PSG8: variants seen among roughly 807,000 people sequenced by gnomAD.
PSG8 encodes pregnancy specific beta-1-glycoprotein 8.
PSG8 carries 57 observed loss-of-function variants against 42.5 expected under a neutral mutation model. That is an observed-to-expected ratio of 1.34 (90% CI 1.08 to 1.67). PSG8 has a LOEUF of 1.67. PSG8 is among the 40% of genes most tolerant of loss of function. The pLI, the probability that PSG8 is intolerant of heterozygous loss-of-function variation, is 0.00. For synonymous variants in PSG8, 280 were observed against 196.8 expected (o/e 1.42, Z -3.54); for missense variants, 783 against 518.6 (o/e 1.51, Z -4.95).
rs1227748402 is a variant in PSG8 at position 42,764,190 on chromosome 19, A to C, written c.156T>G (p.Leu52=). ...TCTGGGGCAAATTGTGGACAAGTAGAAGAACATCCTTCCCCTCAGAAACTT... is the reference window on the plus strand; with the variant it reads ...TCTGGGGCAAATTGTGGACAAGTAGCAGAACATCCTTCCCCTCAGAAACTT... The part of the protein sequence containing the change: ...PTKVSEGKDV[L]LLVHNLPQNL... Residue 52 remains leucine (L), a synonymous_variant, in exon 2 of 5, where the codon CTT becomes CTG. Coordinates refer to ENST00000306511, the MANE Select transcript of PSG8 (RefSeq NM_182707.3). The C allele has an allele frequency of 5.0e-6, 8 of 1,613,716 alleles. No homozygotes were observed. In the South Asian group the frequency reaches 8.8e-5, roughly 18 times the overall value.
downstream of PSG8, chr19:42,752,897 C>G (rs1254416918): frequency 3.7e-6 from 1 of 269,934 alleles, no homozygotes; most frequent in African/African-American, 2.2e-5. Context: ...TATTGGGAGT[C>G]CTGTATGCAA....
At chr19:42,760,519 G>A (rs1970046686) in intron 2 of PSG8, among the ~76,000 whole-genome samples, 1 of 152,096 alleles carries the variant, frequency 6.6e-6, no homozygotes, top group Non-Finnish European at 1.5e-5. Flanking sequence ...CCTCAAGCTA[G>A]GGATTCTTTC....
intron 3 of PSG8, 189 bp from the exon 4 acceptor site, chr19:42,755,455 C>A: frequency 3.2e-6 from 4 of 1,241,322 alleles, no homozygotes; most frequent in Non-Finnish European, 4.4e-6. Flanking sequence ...GCCAGCTGCT[C>A]TGTCTTAGGG....
In PSG8 at chr19:42,758,199, G is replaced by T. The variant is rs1969980140; in HGVS notation, c.512C>A (p.Pro171His). ...CAGGTAGCTTGCGTCCGGAGTCTCA[G>T]GATCACAGGTTAAGCTCACAGCCTC... ...AMEAVSLTCDPETPDASYLWW... is the reference protein window; with the variant it reads ...AMEAVSLTCDHETPDASYLWW... Residue 171 changes from proline to histidine, a missense_variant, in exon 3 of 5, where the codon CCT (proline) becomes CAT (histidine). Physicochemically the swap from Pro to His is moderately conservative, Grantham distance 77. Transcript: ENST00000306511. The T allele has an allele frequency of 1.4e-5, 22 of 1,614,038 alleles. No homozygotes were observed. The highest frequency in any genetic ancestry group is 1.9e-5 in the Non-Finnish European group (22 of 1,179,966).
chr19:42,753,871 TTC>T (rs1218127434), downstream of PSG8: 5 of 476,820 alleles, frequency 1.0e-5, no homozygotes, highest in Non-Finnish European at 2.0e-5. Flanking sequence ...AACATATCAA[TTC>T]TCATGAATAG....
chr19:42,755,421 A>T (rs752150114), intron 3 of PSG8, 155 bp from the exon 4 acceptor site: 2 of 1,408,658 alleles, frequency 1.4e-6, no homozygotes, highest in African/African-American at 2.9e-5. Context: ...ATGCATGATG[A>T]TCTAAGGGCT....
chr19:42,754,636 G>T, intron 4 of PSG8, 49 bp from the exon 5 acceptor site: 2 of 1,575,196 alleles, frequency 1.3e-6, no homozygotes, highest in Non-Finnish European at 8.6e-7. Context: ...GAGGGAAGGG[G>T]ATGTTCCTGG....
At chr19:42,757,690 C>G (rs1969961775) in intron 3 of PSG8, among the ~76,000 whole-genome samples, 2 of 152,164 alleles carry the variant, frequency 1.3e-5, no homozygotes, top group Non-Finnish European at 1.5e-5. Context: ...ACCCTGTGAG[C>G]CAAGTCACAA....
At position 42,757,983 on chromosome 19, in the gene PSG8, A is replaced by G; in HGVS notation, c.709+19T>C. 7 of 1,614,060 alleles carry G rather than the reference A, an allele frequency of 4.3e-6. No individual in the cohort carries two copies. The highest frequency in any genetic ancestry group is 5.1e-6 in the Non-Finnish European group (6 of 1,179,974). On this transcript the variant is annotated intron_variant, in intron 3 of 4. Transcript: ENST00000306511. ...TTTGGGATGGCAGCCTGGCTCACAG[A>G]GGAACAGAAAATACTCACGGAGGAG... is the stretch of plus-strand genomic sequence containing the variant.
intron 3 of PSG8, among the ~76,000 whole-genome samples, 196 bp downstream of exon 3, chr19:42,757,806 G>C (rs1969965188): frequency 6.6e-6 from 1 of 152,064 alleles, no homozygotes; most frequent in South Asian, 2.1e-4. Flanking sequence ...CCCATGACAG[G>C]AGCAGCCTCT....
intron 2 of PSG8, among the ~76,000 whole-genome samples, chr19:42,761,592 A>G (rs1408057184): frequency 6.6e-6 from 1 of 152,098 alleles, no homozygotes; most frequent in Non-Finnish European, 1.5e-5. Flanking sequence ...CCCTACCTAG[A>G]GTCAGATTTA....
chr19:42,757,277 C>G (rs1969950209), intron 3 of PSG8, among the ~76,000 whole-genome samples: 1 of 152,026 alleles, frequency 6.6e-6, no homozygotes, highest in African/African-American at 2.4e-5. Flanking sequence ...GCAGGTGGCT[C>G]TTCCCTGATA....
At chr19:42,765,490 G>A (rs1193544447) in intron 1 of PSG8, 28 bp downstream of exon 1, 25 of 1,608,280 alleles carry the variant, frequency 1.6e-5, no homozygotes, top group Non-Finnish European at 2.0e-5. Flanking sequence ...TCCTCCTCCT[G>A]TCCTCTCCCA....
At chr19:42,757,558 A>G (rs1969957534) in intron 3 of PSG8, among the ~76,000 whole-genome samples, 1 of 152,120 alleles carries the variant, frequency 6.6e-6, no homozygotes, top group Non-Finnish European at 1.5e-5. Flanking sequence ...GTATGGTAAT[A>G]GGTGTATGAG....
Position 42,755,082 on chromosome 19 carries a change from G to A in PSG8, c.894C>T (p.Pro298=). The A allele has an allele frequency of 6.2e-7, 1 of 1,612,276 alleles. No individual in the cohort carries two copies. Among genetic ancestry groups the A allele is most frequent in the Non-Finnish European group, 8.5e-7 (1 of 1,179,790 alleles). Residue 298 remains proline, a synonymous_variant, in exon 4 of 5, where the codon CCC becomes CCT. Coordinates refer to ENST00000306511, the MANE Select transcript of PSG8 (RefSeq NM_182707.3). ...RPIENRILIL[P]SVTRNETGPY... is the part of the protein sequence containing the mutation. ...GTCCTGTTTCATTTCTCGTGACACTGGGTAGAATGAGGATCCTGTTTTCAA... is the reference window on the plus strand; with the variant it reads ...GTCCTGTTTCATTTCTCGTGACACTAGGTAGAATGAGGATCCTGTTTTCAA...
intron 3 of PSG8, among the ~76,000 whole-genome samples, chr19:42,757,630 T>A (rs1483449383): frequency 6.6e-6 from 1 of 152,072 alleles, no homozygotes; most frequent in Non-Finnish European, 1.5e-5. Context: ...CAGGCGATAT[T>A]TTCAGAGGGA....
In PSG8 at chr19:42,765,658, A is replaced by T. The variant is rs571949778; in HGVS notation, c.-77T>A. 36 of 1,562,224 alleles carry T rather than the reference A, an allele frequency of 2.3e-5. 1 individual carries two copies. The highest frequency in any genetic ancestry group is 2.7e-5 in the Non-Finnish European group (31 of 1,144,824). On this transcript the variant is annotated 5_prime_UTR_variant, in exon 1 of 5. Transcript: ENST00000306511. ...AAGCTTCCTGAGCACAGCTCTCAGC[A>T]GTGCTGTCCTGCCTCCTTCTGCGCT...
chr19:42,763,498 G>C (rs1970128410), intron 2 of PSG8, among the ~76,000 whole-genome samples: 1 of 152,152 alleles, frequency 6.6e-6, no homozygotes, highest in South Asian at 2.1e-4. Context: ...AGATTTATCT[G>C]GAGCAAGGAT....
chr19:42,758,448 G>A (rs1162440203), intron 2 of PSG8, among the ~76,000 whole-genome samples, 168 bp from the exon 3 acceptor site: 26 of 152,134 alleles, frequency 1.7e-4, no homozygotes, highest in Non-Finnish European at 1.0e-4. Context: ...TGAGGGCTCA[G>A]AGGTTGTGAG....
Sources: gnomAD v4.1 joint callset for allele counts (sites outside exome capture counted in the v4.1 genomes callset) on GRCh38, gnomAD v4.1.1 for gene constraint, MANE v1.5 for transcripts, NCBI Gene and HGNC (gene_info 2026-07-23, HGNC 2026-07-21) for gene names.